Variants in FYB2 observed in about 807,000 individuals in gnomAD.
The protein encoded by FYB2 is FYN binding protein 2.
Under a neutral mutation model 94.1 loss-of-function variants are expected in FYB2, and 103 were observed. That is an observed-to-expected ratio of 1.09 (90% confidence interval 0.93 to 1.29). FYB2 has a LOEUF of 1.29. FYB2 is among the 50% of genes most tolerant of loss of function. The pLI, the probability that FYB2 is intolerant of heterozygous loss-of-function variation, is 0.00. For synonymous variants in FYB2, 293 were observed against 287.9 expected (o/e 1.02, Z -0.18); for missense variants, 896 against 841.5 (o/e 1.06, Z -0.80).
At chr1:56,804,420 G>A (rs17114382) in intron 1 of FYB2, among the ~76,000 whole-genome samples, 22,901 of 152,132 alleles carry the variant, frequency 0.15, 2,150 homozygotes, top group East Asian at 0.32. Context: ...TCATGCCAAT[G>A]ATGCATCTAA....
chr1:56,823,103 C>T (rs1373001215), upstream of FYB2, among the ~76,000 whole-genome samples: 2 of 152,060 alleles, frequency 1.3e-5, no homozygotes, highest in African/African-American at 4.8e-5. Context: ...TTCTATTCCT[C>T]ATGACAATGT....
At chr1:56,751,271 T>A (rs1381468446) in intron 8 of FYB2, 68 bp from the exon 9 acceptor site, 3 of 1,457,170 alleles carry the variant, frequency 2.1e-6, no homozygotes, top group Non-Finnish European at 2.8e-6. Context: ...TGCTTACTTG[T>A]ACAGTTTTTC....
At chr1:56,805,814 C>T (rs969205949) in intron 1 of FYB2, among the ~76,000 whole-genome samples, 9 of 152,180 alleles carry the variant, frequency 5.9e-5, no homozygotes, top group Non-Finnish European at 4.4e-5. Context: ...TTGCCTGCTG[C>T]CATCCATGTA....
intron 1 of FYB2, among the ~76,000 whole-genome samples, chr1:56,811,755 C>CCAAACAAA (rs10574325): frequency 6.9e-6 from 1 of 144,698 alleles, no homozygotes; most frequent in Non-Finnish European, 1.5e-5. Flanking sequence ...TTGTAATGGA[C>CCAAACAAA]CAAACAAACA....
chr1:56,791,052 C>T (rs1646251471), intron 2 of FYB2, among the ~76,000 whole-genome samples: 1 of 152,056 alleles, frequency 6.6e-6, no homozygotes, highest in African/African-American at 2.4e-5. Flanking sequence ...CAGGGACCAG[C>T]ATGCAGGGCC....
chr1:56,818,643 G>A (rs980376036), intron 1 of FYB2, among the ~76,000 whole-genome samples: 4 of 152,184 alleles, frequency 2.6e-5, no homozygotes, highest in African/African-American at 9.7e-5. Flanking sequence ...CCAAGGGGCA[G>A]GGAATGCTGG....
At chr1:56,739,211 T>A (rs1191552097) in intron 13 of FYB2, among the ~76,000 whole-genome samples, 1 of 152,060 alleles carries the variant, frequency 6.6e-6, no homozygotes, top group Non-Finnish European at 1.5e-5. Context: ...AGAAAGGTAA[T>A]CAGATTTGCA....
chr1:56,720,124 A>G, intron 18 of FYB2, 49 bp downstream of exon 18: 1 of 1,586,362 alleles, frequency 6.3e-7, no homozygotes. Flanking sequence ...GCATTTTAAG[A>G]TTTTTTAAAA....
chr1:56,815,292 A>G (rs1294421670), intron 1 of FYB2, among the ~76,000 whole-genome samples: 1 of 152,076 alleles, frequency 6.6e-6, no homozygotes, highest in East Asian at 1.9e-4. Flanking sequence ...ACATTCAGCT[A>G]AGACACCAGC....
At chr1:56,757,100 G>A (rs1462230331) in intron 6 of FYB2, among the ~76,000 whole-genome samples, 2 of 152,038 alleles carry the variant, frequency 1.3e-5, no homozygotes, top group Admixed American at 1.3e-4. Context: ...AAACATGTAT[G>A]AGAGTTAAAA....
intron 9 of FYB2, among the ~76,000 whole-genome samples, chr1:56,747,463 G>A (rs955287652): frequency 7.9e-5 from 12 of 151,822 alleles, no homozygotes; most frequent in Admixed American, 7.2e-4. Flanking sequence ...GTGTACATGC[G>A]TTCCTCATTG....
At chr1:56,723,776 G>A in intron 16 of FYB2, 95 bp from the exon 17 acceptor site, 1 of 681,370 alleles carries the variant, frequency 1.5e-6, no homozygotes, top group Admixed American at 3.4e-5. Context: ...GATAAATTCA[G>A]GTATAATTTT....
chr1:56,740,943 AACCGAC>A, intron 12 of FYB2, 148 bp from the exon 13 acceptor site: 1 of 492,120 alleles, frequency 2.0e-6, no homozygotes, highest in East Asian at 3.5e-5. Context: ...AGATGGAAAT[AACCGAC>A]ACTGGGGACT....
At chr1:56,820,226 CA>C (rs112651204), upstream of FYB2, among the ~76,000 whole-genome samples, 1,612 of 122,652 alleles carry the variant, frequency 0.013, 8 homozygotes, top group African/African-American at 0.019. Context: ...GACTCCGTCT[CA>C]AAAAAAAAAA....
chr1:56,738,985 G>C (rs1258853173), intron 13 of FYB2, among the ~76,000 whole-genome samples: 1 of 152,004 alleles, frequency 6.6e-6, no homozygotes, highest in Admixed American at 6.6e-5. Flanking sequence ...GTACATTCCA[G>C]ACCATGAGAA....
intron 5 of FYB2, among the ~76,000 whole-genome samples, chr1:56,764,771 G>C (rs1228950237): frequency 6.6e-6 from 1 of 151,876 alleles, no homozygotes; most frequent in African/African-American, 2.4e-5. Context: ...ACCATAAATT[G>C]CATGGCTAAT....
intron 4 of FYB2, among the ~76,000 whole-genome samples, chr1:56,776,915 A>T (rs929334458): frequency 1.3e-5 from 2 of 152,170 alleles, no homozygotes; most frequent in Non-Finnish European, 2.9e-5. Context: ...GAAGGATTTG[A>T]TTTCACTATT....
chr1:56,806,378 A>C (rs1646647733), intron 1 of FYB2, among the ~76,000 whole-genome samples: 1 of 152,168 alleles, frequency 6.6e-6, no homozygotes. Flanking sequence ...CATTGAAAGT[A>C]ATGGTAGAGG....
Position 56,816,645 on chromosome 1 carries a change from T to A in FYB2, c.9+2637A>T, listed in dbSNP as rs6673223. On this transcript the variant is annotated intron_variant, in intron 1 of 19. Coordinates refer to ENST00000343433, the MANE Select transcript of FYB2 (RefSeq NM_001004303.5). ...TAAACATCTACTACACACCCAGTGC[T>A]ATTCTAGATAATGTAGATATATTAT... Among the ~76,000 whole-genome samples the A allele has an allele frequency of 5.9e-5, 9 of 152,012 alleles. No individual in the cohort carries two copies. The South Asian group carries it at 1.5e-3, about 25-fold the overall frequency.
Sources: gnomAD v4.1 joint callset for allele counts (sites outside exome capture counted in the v4.1 genomes callset) on GRCh38, gnomAD v4.1.1 for gene constraint, MANE v1.5 for transcripts, NCBI Gene and HGNC (gene_info 2026-07-23, HGNC 2026-07-21) for gene names.